The following BCL9L variants were observed in gnomAD, a reference collection of about 807,000 sequenced individuals.
The protein encoded by BCL9L is BCL9 like.
In BCL9L, 19 loss-of-function variants were observed where a neutral mutation model predicts 99.4. The ratio of observed to expected loss-of-function variants is 0.19; its 90% CI spans 0.13 to 0.28. BCL9L has a LOEUF of 0.28. Ranked by LOEUF, BCL9L falls within the 10% of genes least tolerant of loss-of-function variation. The pLI, the probability that BCL9L is intolerant of heterozygous loss-of-function variation, is 1.00. For missense variants in BCL9L, 2,023 were observed against 2,101.6 expected, an observed-to-expected ratio of 0.96 and a Z score of 0.73; for synonymous variants, 900 against 854.8, an observed-to-expected ratio of 1.05 and a Z score of -0.92.
rs753378628 is a variant in BCL9L, at chr11:118,901,244, C to A, written c.2499G>T (p.Gln833His). 6.2e-6 allele frequency: 10 copies of A among 1,614,120 alleles called. No individual in the cohort carries two copies. The highest frequency in any genetic ancestry group is 1.6e-4 in the Middle Eastern group (1 of 6,062). Residue 833 changes from glutamine (Q) to histidine (H), a missense_variant, in exon 8 of 10, where the codon CAG becomes CAT. Gln to His is a conservative substitution (Grantham distance 24, BLOSUM62 0). Coordinates refer to ENST00000683865, the MANE Select transcript of BCL9L (RefSeq NM_001378213.1). The surrounding 1 kb of genome is among the most constrained non-coding windows in gnomAD (Gnocchi z 6.6). ...GAAACTGTGAAGGCATCAGCATCTTCTGCGGGCCGCCCATCACGCCACTGC... is the reference window on the plus strand; with the variant it reads ...GAAACTGTGAAGGCATCAGCATCTTATGCGGGCCGCCCATCACGCCACTGC... The part of the protein sequence containing the change: ...QNSSGVMGGP[Q>H]KMLMPSQFPN...
At chr11:118,904,851 T>G (rs1940441856) in intron 5 of BCL9L, among the ~76,000 whole-genome samples, 1 of 152,180 alleles carries the variant, frequency 6.6e-6, no homozygotes. Flanking sequence ...CTGGACCCTA[T>G]CTATCCAATT....
At chr11:118,899,802 C>T (rs1254309276) in intron 9 of BCL9L, 115 bp downstream of exon 9, 7 of 1,394,026 alleles carry the variant, frequency 5.0e-6, no homozygotes, top group Non-Finnish European at 6.7e-6. Context: ...GGAGCCTCCA[C>T]CCCCACACCC....
chr11:118,919,646 G>A (rs577378869), intron 1 of BCL9L, among the ~76,000 whole-genome samples: 32 of 152,140 alleles, frequency 2.1e-4, no homozygotes, highest in South Asian at 4.1e-4. Flanking sequence ...TGCACTGGGC[G>A]GGGGGTGTCC....
At chr11:118,917,122 T>TGGGGAAGC (rs1940988761) in intron 2 of BCL9L, among the ~76,000 whole-genome samples, 1 of 152,064 alleles carries the variant, frequency 6.6e-6, no homozygotes, top group Non-Finnish European at 1.5e-5. Flanking sequence ...GCACCAACGA[T>TGGGGAAGC]GGGGAAGCGG....
At position 118,900,663 on chromosome 11, in the gene BCL9L, G is replaced by C. The variant is rs761605086; in HGVS notation, c.3080C>G (p.Pro1027Arg). The part of the protein sequence containing the change: ...SPGVSQNKQP[P>R]LNMNSSTTLS... ...GGTGGTGGAAGAGTTCATGTTGAGA[G>C]GCGGCTGCTTGTTCTGGGAGACCCC... The change falls in exon 8 of 10, where the codon CCT becomes CGT. Residue 1027 changes from proline (P) to arginine (R), a missense_variant. Physicochemically the swap from Pro to Arg is moderately radical, Grantham distance 103 (BLOSUM62 -2). Coordinates refer to ENST00000683865, the MANE Select transcript of BCL9L (RefSeq NM_001378213.1). This position sits in a 1 kb window ranked among gnomAD's most constrained non-coding sequence, Gnocchi z 5.3. The C allele has an allele frequency of 1.2e-6, 2 of 1,613,080 alleles. No homozygotes were observed. The highest frequency in any genetic ancestry group is 2.2e-5 in the South Asian group (2 of 91,048).
Position 118,902,146 on chromosome 11 carries a change from G to C in BCL9L, c.1597C>G (p.Arg533Gly), listed in dbSNP as rs1940278187. 6.2e-7 allele frequency: 1 copy of C among 1,613,860 alleles called. No individual in the cohort carries two copies. The change falls in exon 8 of 10, where the codon CGG becomes GGG. Residue 533 changes from arginine (R) to glycine (G), a missense_variant. By Grantham distance (125) the Arg-to-Gly change is moderately radical. Coordinates refer to ENST00000683865, the MANE Select transcript of BCL9L (RefSeq NM_001378213.1). The surrounding 1 kb of genome is among the most constrained non-coding windows in gnomAD (Gnocchi z 7.8). ...LQEEYYEEKR[R>G]KEEQIGLHGS... is the part of the protein sequence containing the mutation. ...TGCAGCCCAATCTGTTCCTCTTTCC[G>C]CCGTTTCTCTTCGTAGTACTCCTCC...
chr11:118,910,032 C>G lies in BCL9L; in HGVS notation c.-76-17G>C. The G allele has an allele frequency of 6.4e-7, 1 of 1,565,812 alleles. No individual in the cohort carries two copies. Among genetic ancestry groups the G allele is most frequent in the Non-Finnish European group, 8.7e-7 (1 of 1,144,340 alleles). On this transcript the variant is annotated splice_polypyrimidine_tract_variant and intron_variant, in intron 2 of 9. Transcript: ENST00000683865. Reference sequence around the variant, plus strand: ...GAGCACGGACTGCAGCAACAAGCCCCAAAGAGAAAACTCGTGACTTGGGGA... The same window carrying G: ...GAGCACGGACTGCAGCAACAAGCCCGAAAGAGAAAACTCGTGACTTGGGGA...
At chr11:118,917,964 C>T (rs1281754694) in intron 2 of BCL9L, among the ~76,000 whole-genome samples, 1 of 152,148 alleles carries the variant, frequency 6.6e-6, no homozygotes, top group African/African-American at 2.4e-5. Context: ...CCCAGCCCTG[C>T]CCCCCACCCA....
In BCL9L at chr11:118,900,727, C is replaced by T. The variant is rs1286838540; in HGVS notation, c.3016G>A (p.Gly1006Ser). 1 of 1,613,880 alleles carries T rather than the reference C, an allele frequency of 6.2e-7. No individual in the cohort carries two copies. Among genetic ancestry groups the T allele is most frequent in the Admixed American group, 1.7e-5 (1 of 60,024 alleles). ...GCCGTCTTAGGTGAGGCAACCCAGC[C>T]TGGAGAAGGCACCGCCATGGAAGGA... is the stretch of plus-strand genomic sequence containing the variant. ...KSPSMAVPSP[G>S]WVASPKTAMP... The change falls in exon 8 of 10, where the codon GGC becomes AGC. Residue 1006 changes from glycine (G) to serine (S), a missense_variant. Coordinates refer to ENST00000683865, the MANE Select transcript of BCL9L (RefSeq NM_001378213.1). This position sits in a 1 kb window ranked among gnomAD's most constrained non-coding sequence, Gnocchi z 5.3.
rs146621219 is a variant in BCL9L at position 118,914,470 on chromosome 11, C to G, written c.-77+4356G>C. On this transcript the variant is annotated intron_variant, in intron 2 of 9. Coordinates refer to ENST00000683865, the MANE Select transcript of BCL9L (RefSeq NM_001378213.1). This position sits in a 1 kb window ranked among gnomAD's most constrained non-coding sequence, Gnocchi z 4.4. ...TGGCCCCTCACCTCCCCTGATGGCT[C>G]ACACTCTTGGCAGCAGCAGCACCTG... Among the ~76,000 whole-genome samples, 1,032 of 152,336 alleles carry G rather than the reference C, an allele frequency of 6.8e-3. 9 individuals are homozygous for G. The highest frequency in any genetic ancestry group is 0.024 in the African/African-American group (985 of 41,572).
In BCL9L at chr11:118,903,205, G is replaced by A; in HGVS notation, c.749+31C>T. On this transcript the variant is annotated intron_variant, in intron 6 of 9. Transcript: ENST00000683865. The surrounding 1 kb of genome is among the most constrained non-coding windows in gnomAD (Gnocchi z 5.6). ...CTGAGAGGTGCTGGGCAGAGAGAGAGAGAGACTTGGCCTGCCCACCAGGCA... is the reference window on the plus strand; with the variant it reads ...CTGAGAGGTGCTGGGCAGAGAGAGAAAGAGACTTGGCCTGCCCACCAGGCA... 6.3e-7 allele frequency: 1 copy of A among 1,584,548 alleles called. No individual in the cohort carries two copies. The highest frequency in any genetic ancestry group is 8.6e-7 in the Non-Finnish European group (1 of 1,165,232).
Position 118,898,329 on chromosome 11 carries a change from C to CCCCCCCCCCCCCCCCAA in BCL9L, c.*85_*86insTTGGGGGGGGGGGGGGG. On this transcript the variant is annotated 3_prime_UTR_variant, in exon 10 of 10. Coordinates refer to ENST00000683865, the MANE Select transcript of BCL9L (RefSeq NM_001378213.1). ...ACCCCCTCCACCCCACCCCGCGACC[C>CCCCCCCCCCCCCCCCAA]AGGCCATCCCAACATTGAGGGGAAG... 3 of 1,415,908 alleles carry CCCCCCCCCCCCCCCCAA rather than the reference C, an allele frequency of 2.1e-6. No individual in the cohort carries two copies. Among genetic ancestry groups the CCCCCCCCCCCCCCCCAA allele is most frequent in the African/African-American group, 1.4e-5 (1 of 69,948 alleles). 87.7% of individuals were successfully genotyped at this position (1,415,908 alleles called of 1,614,324 possible).
chr11:118,924,448 A>G (rs1321742494), intron 1 of BCL9L, among the ~76,000 whole-genome samples: 3 of 151,922 alleles, frequency 2.0e-5, no homozygotes, highest in African/African-American at 7.3e-5. Context: ...TCCTAGCTTC[A>G]TTGCTCCAGA....
rs1405757253 is a variant in BCL9L at position 118,898,698 on chromosome 11, G to A, written c.4217C>T (p.Pro1406Leu). 6.2e-7 allele frequency: 1 copy of A among 1,611,788 alleles called. No individual in the cohort carries two copies. The highest frequency in any genetic ancestry group is 8.5e-7 in the Non-Finnish European group (1 of 1,179,090). ...ATGGGGCACCATCCCCTGCTGTGGG[G>A]GCACGCCTGTCCTGCCCAGCAAGGA... is the stretch of plus-strand genomic sequence containing the variant. ...QMSLLGRTGV[P>L]PQQGMVPHGL... The change falls in exon 10 of 10, where the codon CCC becomes CTC. Residue 1406 changes from proline to leucine, a missense_variant. Pro to Leu is a moderately conservative substitution (Grantham distance 98). Transcript: ENST00000683865.
At position 118,901,351 on chromosome 11, in the gene BCL9L, G is replaced by A; in HGVS notation, c.2392C>T (p.Gln798Ter). The change falls in exon 8 of 10, where the codon CAG becomes TAG. Residue 798 changes from glutamine to a stop codon, truncating the protein, a stop_gained. Coordinates refer to ENST00000683865, the MANE Select transcript of BCL9L (RefSeq NM_001378213.1). LOFTEE classifies it high-confidence loss of function. The surrounding 1 kb of genome is among the most constrained non-coding windows in gnomAD (Gnocchi z 6.6). ...MTPQQQMLMSQKMRGPGDLMG... is the reference protein window; with the variant it reads ...MTPQQQMLMS Reference sequence around the variant, plus strand: ...AAGTCCCCAGGGCCCCGCATCTTCTGCGACATCAGCATCTGCTGCTGCGGG... The same window carrying A: ...AAGTCCCCAGGGCCCCGCATCTTCTACGACATCAGCATCTGCTGCTGCGGG... 6.2e-7 allele frequency: 1 copy of A among 1,613,766 alleles called. No individual in the cohort carries two copies. The highest frequency in any genetic ancestry group is 8.5e-7 in the Non-Finnish European group (1 of 1,179,986).
In BCL9L at chr11:118,921,032, A is replaced by G. The variant is rs1941122777; in HGVS notation, c.-130-2153T>C. Among the ~76,000 whole-genome samples, 1 of 152,156 alleles carries G rather than the reference A, an allele frequency of 6.6e-6. No homozygotes were observed. On this transcript the variant is annotated intron_variant, in intron 1 of 9. Transcript: ENST00000683865. This position sits in a 1 kb window ranked among gnomAD's most constrained non-coding sequence, Gnocchi z 5.4. ...CGCCCCCAGCACACACACTCTCCAG[A>G]GGTACCCCGGACACTTACAACACAG...
In BCL9L at chr11:118,922,341, A is replaced by G. The variant is rs1444294282; in HGVS notation, c.-131+2897T>C. On this transcript the variant is annotated intron_variant, in intron 1 of 9. Coordinates refer to ENST00000683865, the MANE Select transcript of BCL9L (RefSeq NM_001378213.1). The surrounding 1 kb of genome is among the most constrained non-coding windows in gnomAD (Gnocchi z 6.2). ...CTAGCCCTGGCCTTCCAGCCCTCCA[A>G]CTGGCTCCAGCCCCAGCTCTGGGAC... Among the ~76,000 whole-genome samples the G allele has an allele frequency of 6.6e-6, 1 of 152,060 alleles. No homozygotes were observed. The highest frequency in any genetic ancestry group is 2.4e-5 in the African/African-American group (1 of 41,400).
rs1306717746 is a variant in BCL9L at position 118,901,493 on chromosome 11, G to A, written c.2250C>T (p.Ser750=). The change falls in exon 8 of 10, where the codon AGC becomes AGT. Residue 750 remains serine (S), a synonymous_variant. Transcript: ENST00000683865. This position sits in a 1 kb window ranked among gnomAD's most constrained non-coding sequence, Gnocchi z 6.6. ...MEFGGGRGLL[S]PPMGQSGLRE... is the part of the protein sequence containing the mutation. ...TCAGCCCAGACTGCCCCATGGGAGG[G>A]CTCAGGAGGCCCCGGCCTCCACCAA... is the stretch of plus-strand genomic sequence containing the variant. 1 of 1,614,050 alleles carries A rather than the reference G, an allele frequency of 6.2e-7. No individual in the cohort carries two copies. The highest frequency in any genetic ancestry group is 2.2e-5 in the East Asian group (1 of 44,862).
rs1376534494 is a variant in BCL9L, at chr11:118,921,090, T to C, written c.-130-2211A>G. Among the ~76,000 whole-genome samples the C allele has an allele frequency of 6.6e-6, 1 of 151,886 alleles. No homozygotes were observed. Among genetic ancestry groups the C allele is most frequent in the Non-Finnish European group, 1.5e-5 (1 of 67,964 alleles). On this transcript the variant is annotated intron_variant, in intron 1 of 9. Transcript: ENST00000683865. This position sits in a 1 kb window ranked among gnomAD's most constrained non-coding sequence, Gnocchi z 5.4. ...TCCCAAAGATGCACATCCAAAGACG[T>C]TTCCTAAAAAGCACTCCAAATTCTC...
Sources: allele counts gnomAD v4.1 joint callset (sites outside exome capture counted in the v4.1 genomes callset), GRCh38; gene constraint gnomAD v4.1.1; non-coding constraint Gnocchi (gnomAD v3.1); transcripts MANE v1.5; gene names NCBI Gene and HGNC (gene_info 2026-07-23, HGNC 2026-07-21).